The following ANKS1B variants were observed in gnomAD, a reference collection of about 807,000 sequenced individuals.
The protein encoded by ANKS1B is ankyrin repeat and sterile alpha motif domain-containing protein 1B.
Under a neutral mutation model 148.3 loss-of-function variants are expected in ANKS1B, and 36 were observed. That is an observed-to-expected ratio of 0.24 (90% CI 0.19 to 0.32). The LOEUF (loss-of-function observed/expected upper bound fraction) is 0.32. ANKS1B is among the 10% of genes least tolerant of loss of function. ANKS1B has a pLI of 1.00. For missense variants in ANKS1B, 1,157 were observed against 1,542.6 expected, an observed-to-expected ratio of 0.75 and a Z score of 4.19; for synonymous variants, 542 against 560.8, an observed-to-expected ratio of 0.97 and a Z score of 0.47.
intron 12 of ANKS1B, among the ~76,000 whole-genome samples, chr12:99,287,541 A>G (rs377014921): frequency 5.5e-4 from 84 of 152,328 alleles, no homozygotes; most frequent in Middle Eastern, 6.8e-3. Flanking sequence ...TCAGGAAAAC[A>G]TGACCTCACA....
chr12:98,795,675 A>G lies in ANKS1B; in HGVS notation c.3342+3259T>C, dbSNP rs1387768106. On this transcript the variant is annotated intron_variant, in intron 22 of 26. Transcript: ENST00000683438. The stretch of plus-strand genomic sequence containing the variant: ...AAAATAAGCCATTTAAAAAGTGAAA[A>G]AAACAAAACAAAACAAAACAAAAAA... The G allele has an allele frequency of 9.0e-6, 4 of 446,220 alleles. No individual in the cohort carries two copies. In the East Asian group the frequency reaches 2.8e-4, roughly 31 times the overall value. 27.6% of individuals were successfully genotyped at this position (446,220 alleles called of 1,614,324 possible).
At chr12:99,424,595 AT>A (rs2095195628) in intron 11 of ANKS1B, among the ~76,000 whole-genome samples, 1 of 151,082 alleles carries the variant, frequency 6.6e-6, no homozygotes, top group South Asian at 2.1e-4. Flanking sequence ...ATTTTATTTA[AT>A]TTTTTCCTCC....
chr12:99,773,670 G>A (rs1352674784), intron 7 of ANKS1B, among the ~76,000 whole-genome samples: 1 of 152,006 alleles, frequency 6.6e-6, no homozygotes, highest in Non-Finnish European at 1.5e-5. Flanking sequence ...GTCTCAGAAA[G>A]ATACCTTATA....
chr12:99,949,096 G>C (rs953365369), intron 1 of ANKS1B, among the ~76,000 whole-genome samples: 4 of 152,136 alleles, frequency 2.6e-5, no homozygotes, highest in Non-Finnish European at 5.9e-5. Context: ...ATGAGAAAAA[G>C]CCTCAGGCAG....
intron 9 of ANKS1B, among the ~76,000 whole-genome samples, chr12:99,629,373 GAAC>G (rs1399622938): frequency 1.3e-5 from 2 of 152,040 alleles, no homozygotes; most frequent in Non-Finnish European, 2.9e-5. Flanking sequence ...AAAAAAACTT[GAAC>G]AACTTTTCCT....
At chr12:99,344,322 C>A (rs978287541) in intron 12 of ANKS1B, among the ~76,000 whole-genome samples, 1 of 152,040 alleles carries the variant, frequency 6.6e-6, no homozygotes, top group African/African-American at 2.4e-5. Flanking sequence ...CTGTTTCTGA[C>A]AAGCATATTT....
intron 11 of ANKS1B, among the ~76,000 whole-genome samples, chr12:99,414,086 C>T (rs2094812935): frequency 1.3e-5 from 2 of 152,116 alleles, no homozygotes; most frequent in South Asian, 4.1e-4. Context: ...CCTCTGAACA[C>T]CCCTACTCCA....
chr12:99,466,190 T>C (rs1270553775), intron 10 of ANKS1B, among the ~76,000 whole-genome samples: 1 of 152,158 alleles, frequency 6.6e-6, no homozygotes, highest in Non-Finnish European at 1.5e-5. Context: ...GAATGACTAC[T>C]GGGTACATAA....
intron 9 of ANKS1B, among the ~76,000 whole-genome samples, chr12:99,642,749 A>G (rs540806324): frequency 1.3e-5 from 2 of 152,186 alleles, no homozygotes; most frequent in Non-Finnish European, 2.9e-5. Context: ...CCCAGGAGGC[A>G]GAGGTTGCAG....
chr12:98,897,881 A>G (rs1403267888), intron 17 of ANKS1B, among the ~76,000 whole-genome samples: 2 of 152,254 alleles, frequency 1.3e-5, no homozygotes, highest in East Asian at 3.8e-4. Flanking sequence ...CTATGCAGCC[A>G]TAAAAAAGAA....
chr12:99,251,927 T>C (rs1318293551), intron 12 of ANKS1B, among the ~76,000 whole-genome samples: 3 of 152,174 alleles, frequency 2.0e-5, no homozygotes, highest in Admixed American at 1.3e-4. Context: ...GTTTCAGCAG[T>C]GTCAAAGGCA....
chr12:98,796,498 G>A (rs1285476622), intron 22 of ANKS1B, among the ~76,000 whole-genome samples: 1 of 149,278 alleles, frequency 6.7e-6, no homozygotes, highest in Non-Finnish European at 1.5e-5. Context: ...TTAGCTGCAA[G>A]TTGAGATCTA....
chr12:99,367,626 C>A (rs1260216308), intron 12 of ANKS1B, among the ~76,000 whole-genome samples: 1 of 152,060 alleles, frequency 6.6e-6, no homozygotes, highest in Non-Finnish European at 1.5e-5. Context: ...AGATTTCCAT[C>A]AATAGCAATA....
intron 12 of ANKS1B, among the ~76,000 whole-genome samples, chr12:99,377,094 G>A (rs912956053): frequency 6.6e-6 from 1 of 151,256 alleles, no homozygotes; most frequent in Non-Finnish European, 1.5e-5. Context: ...TGCAACTTCC[G>A]CCTCCCAGGT....
intron 1 of ANKS1B, among the ~76,000 whole-genome samples, chr12:99,952,531 T>G (rs571312218): frequency 1.9e-4 from 29 of 152,342 alleles, no homozygotes; most frequent in African/African-American, 6.5e-4. Context: ...GTAAGAGTTT[T>G]TGGAAGTATT....
chr12:99,523,250 A>G (rs2096892807), intron 9 of ANKS1B, among the ~76,000 whole-genome samples: 1 of 152,320 alleles, frequency 6.6e-6, no homozygotes. Flanking sequence ...TTCTGTGAAC[A>G]TAAGTGAGGA....
chr12:99,534,548 T>C (rs1005506993), intron 9 of ANKS1B, among the ~76,000 whole-genome samples: 11 of 152,104 alleles, frequency 7.2e-5, no homozygotes, highest in African/African-American at 2.2e-4. Context: ...GGCTGTGAAA[T>C]TGTCATTTCT....
intron 1 of ANKS1B, among the ~76,000 whole-genome samples, chr12:99,851,332 C>T (rs1471799660): frequency 6.6e-6 from 1 of 152,048 alleles, no homozygotes; most frequent in Non-Finnish European, 1.5e-5. Context: ...CCCTCATTCC[C>T]TCCAGTTCAA....
intron 21 of ANKS1B, among the ~76,000 whole-genome samples, chr12:98,799,999 G>A (rs2098987620): frequency 6.6e-6 from 1 of 152,092 alleles, no homozygotes; most frequent in African/African-American, 2.4e-5. Flanking sequence ...CACTCTTGTG[G>A]ACTAGGGAAG....
Sources: gnomAD v4.1 joint callset for allele counts (sites outside exome capture counted in the v4.1 genomes callset) on GRCh38, gnomAD v4.1.1 for gene constraint, MANE v1.5 for transcripts, NCBI Gene and HGNC (gene_info 2026-07-23, HGNC 2026-07-21) for gene names.